FADS2: variants seen among roughly 807,000 people sequenced by gnomAD.
FADS2 encodes the protein acyl-CoA 6-desaturase.
FADS2 carries 18 observed loss-of-function variants against 61.2 expected under a neutral mutation model. That is an observed-to-expected ratio of 0.29 (90% CI 0.20 to 0.44). FADS2 has a LOEUF of 0.44. Ranked by LOEUF, FADS2 falls within the 20% of genes least tolerant of loss-of-function variation. The pLI is 1.00. For missense variants in FADS2, 322 were observed against 572.7 expected, an observed-to-expected ratio of 0.56 and a Z score of 4.47; for synonymous variants, 203 against 223.9, an observed-to-expected ratio of 0.91 and a Z score of 0.83.
intron 5 of FADS2, among the ~76,000 whole-genome samples, chr11:61,852,618 A>G (rs890424875): frequency 4.6e-5 from 7 of 152,122 alleles, no homozygotes; most frequent in African/African-American, 1.2e-4. Flanking sequence ...CAATCCTTAT[A>G]TGTTTTATAT....
At chr11:61,852,913 G>A (rs926290893) in intron 5 of FADS2, among the ~76,000 whole-genome samples, 2 of 152,142 alleles carry the variant, frequency 1.3e-5, no homozygotes, top group Non-Finnish European at 2.9e-5. Flanking sequence ...CCAGCACTTT[G>A]GGAGGCCGAG....
At chr11:61,824,485 AGAGAGAAAGAAAGAAAG>A (rs1565325379), upstream of FADS2, among the ~76,000 whole-genome samples, 9 of 9,360 alleles carry the variant, frequency 9.6e-4, no homozygotes, top group Non-Finnish European at 4.4e-3. Flanking sequence ...AGAGAGAGAG[AGAGAGAAAGAAAGAAAG>A]GAAAGAAAGA....
At chr11:61,852,462 T>G (rs970817463) in intron 5 of FADS2, among the ~76,000 whole-genome samples, 5 of 152,134 alleles carry the variant, frequency 3.3e-5, no homozygotes, top group Non-Finnish European at 2.9e-5. Flanking sequence ...GGTTTCACCA[T>G]GTTGGCCAGG....
At chr11:61,849,496 A>C (rs545546095) in intron 5 of FADS2, among the ~76,000 whole-genome samples, 40 of 152,110 alleles carry the variant, frequency 2.6e-4, no homozygotes, top group African/African-American at 9.6e-4. Context: ...AGGTGGGTGG[A>C]TCCCTTGAGC....
At chr11:61,818,860 T>C (rs2067011407) in intron 1 of FADS2, among the ~76,000 whole-genome samples, 1 of 148,872 alleles carries the variant, frequency 6.7e-6, no homozygotes, top group South Asian at 2.1e-4. Context: ...TGACAACTTA[T>C]ATAGAAATTT....
chr11:61,828,019 A>C, upstream of FADS2: 48 of 1,102,988 alleles, frequency 4.4e-5, no homozygotes, highest in East Asian at 5.1e-4. This position sits in a 1 kb window ranked among gnomAD's most constrained non-coding sequence, Gnocchi z 6.4. Flanking sequence ...GCGGCGGGGA[A>C]CGCGGGAGGA....
In FADS2 at chr11:61,865,094, G is replaced by T. The variant is rs2067455601; in HGVS notation, c.1158-58G>T. On this transcript the variant is annotated intron_variant, in intron 10 of 11. Coordinates refer to ENST00000278840, the MANE Select transcript of FADS2 (RefSeq NM_004265.4). The surrounding 1 kb of genome is among the most constrained non-coding windows in gnomAD (Gnocchi z 4.1). ...GCCTCTGCCCAGGTGGTGGGAGGAAGCGGGAGCAGCATGGCCCTCTGAGTC... is the reference window on the plus strand; with the variant it reads ...GCCTCTGCCCAGGTGGTGGGAGGAATCGGGAGCAGCATGGCCCTCTGAGTC... The T allele has an allele frequency of 1.3e-6, 2 of 1,570,058 alleles. No homozygotes were observed. The highest frequency in any genetic ancestry group is 1.7e-6 in the Non-Finnish European group (2 of 1,153,698).
intron 1 of FADS2, among the ~76,000 whole-genome samples, chr11:61,836,698 C>G (rs2067177557): frequency 6.6e-6 from 1 of 152,236 alleles, no homozygotes; most frequent in South Asian, 2.1e-4. Flanking sequence ...TCATTTTAGT[C>G]TCTTTTAATC....
At chr11:61,817,403 T>C (rs1017686949) in intron 1 of FADS2, among the ~76,000 whole-genome samples, 5 of 152,202 alleles carry the variant, frequency 3.3e-5, no homozygotes, top group African/African-American at 1.2e-4. Flanking sequence ...GTTGCAGTTA[T>C]CTTGTGAACA....
intron 1 of FADS2, chr11:61,817,051 G>C: frequency 8.7e-7 from 1 of 1,148,396 alleles, no homozygotes; most frequent in Non-Finnish European, 1.1e-6. Context: ...CGCCGGATTC[G>C]ACTTCCTGAC....
chr11:61,838,358 G>A (rs2067192138), intron 2 of FADS2, among the ~76,000 whole-genome samples: 1 of 152,148 alleles, frequency 6.6e-6, no homozygotes, highest in Admixed American at 6.5e-5. Flanking sequence ...AACCCCTGAG[G>A]TCTCATGGGC....
At chr11:61,851,932 T>C (rs1345902438) in intron 5 of FADS2, among the ~76,000 whole-genome samples, 2 of 152,268 alleles carry the variant, frequency 1.3e-5, no homozygotes, top group African/African-American at 4.8e-5. Flanking sequence ...CTTAGAAAGT[T>C]CTTCATACAT....
At chr11:61,850,407 C>T (rs1163405506) in intron 5 of FADS2, among the ~76,000 whole-genome samples, 3 of 152,222 alleles carry the variant, frequency 2.0e-5, no homozygotes, top group Admixed American at 1.3e-4. Context: ...CACACCACCA[C>T]GCCTGGCTAA....
intron 1 of FADS2, among the ~76,000 whole-genome samples, chr11:61,832,522 G>T (rs779999582): frequency 6.6e-6 from 1 of 152,232 alleles, no homozygotes; most frequent in Non-Finnish European, 1.5e-5. Flanking sequence ...GTAGGGGCCT[G>T]TCTCCTGTGC....
At chr11:61,841,195 G>A (rs1350720872) in intron 4 of FADS2, among the ~76,000 whole-genome samples, 16 of 151,812 alleles carry the variant, frequency 1.1e-4, no homozygotes, top group Non-Finnish European at 4.4e-5. Flanking sequence ...GGGATTACAG[G>A]CACTCGCCAC....
At chr11:61,841,532 C>T (rs2727265) in intron 4 of FADS2, among the ~76,000 whole-genome samples, 1 of 148,396 alleles carries the variant, frequency 6.7e-6, no homozygotes, top group Admixed American at 6.7e-5. Context: ...GACCCCCCCC[C>T]ATCTCTCAAA....
At chr11:61,856,813 G>A (rs546103431) in intron 5 of FADS2, 198 bp from the exon 6 acceptor site, 16 of 590,092 alleles carry the variant, frequency 2.7e-5, no homozygotes, top group South Asian at 6.5e-5. Context: ...AGCGTTGGCC[G>A]CTGCTGGCTG....
upstream of FADS2, chr11:61,816,212 C>G: frequency 6.4e-7 from 1 of 1,567,888 alleles, no homozygotes; most frequent in Non-Finnish European, 8.6e-7. This position sits in a 1 kb window ranked among gnomAD's most constrained non-coding sequence, Gnocchi z 7.0. Context: ...CATCCTTGCT[C>G]TCCTCCCTCC....
At chr11:61,829,898 A>G (rs2067114711) in intron 1 of FADS2, among the ~76,000 whole-genome samples, 1 of 152,312 alleles carries the variant, frequency 6.6e-6, no homozygotes, top group East Asian at 1.9e-4. Flanking sequence ...CAAGCTGGAC[A>G]ATGGACAGGT....
Sources: allele counts gnomAD v4.1 joint callset (sites outside exome capture counted in the v4.1 genomes callset), GRCh38; gene constraint gnomAD v4.1.1; non-coding constraint Gnocchi (gnomAD v3.1); transcripts MANE v1.5; gene names NCBI Gene and HGNC (gene_info 2026-07-23, HGNC 2026-07-21).